The following COX5A variants were observed in gnomAD, a reference collection of about 807,000 sequenced individuals.
The protein encoded by COX5A is cytochrome c oxidase subunit 5A, also known as cytochrome c oxidase subunit 5A, mitochondrial.
In COX5A, 6 loss-of-function variants were observed where a neutral mutation model predicts 16.1. That is an observed-to-expected ratio of 0.37 (90% CI 0.20 to 0.73). The LOEUF (loss-of-function observed/expected upper bound fraction) is 0.73. Among genes scored for constraint, COX5A ranks in the 30% least tolerant of loss-of-function variants. The probability of loss-of-function intolerance (pLI) is 0.50; values close to 1 mark genes in which losing one functional copy is unlikely to be tolerated. For synonymous variants in COX5A, 73 were observed against 73.8 expected (o/e 0.99, Z 0.06); for missense variants, 159 against 194.9 (o/e 0.82, Z 1.10).
rs56979177 is a variant in COX5A, at chr15:74,921,407, C to CAAAA, written c.*10-969_*10-966dup. 8.2e-3 allele frequency among the ~76,000 whole-genome samples: 651 copies of CAAAA among 79,272 alleles called. 19 individuals carry two copies. The highest frequency in any genetic ancestry group is 0.012 in the Non-Finnish European group (514 of 42,714). 52.0% of individuals were successfully genotyped at this position (79,272 alleles called of 152,430 possible). On this transcript the variant is annotated intron_variant, in intron 4 of 4. Transcript: ENST00000322347. ...TGGGTGACAGAGCCAGACTCCGTCT[C>CAAAA]AAAAAAAAAAAAAAAAAAAGAAAAA...
intron 1 of COX5A, among the ~76,000 whole-genome samples, chr15:74,935,999 A>C (rs1396393566): frequency 6.6e-6 from 1 of 151,844 alleles, no homozygotes; most frequent in Non-Finnish European, 1.5e-5. Flanking sequence ...ATTAAAAAGG[A>C]GTCAGTTTCG....
chr15:74,931,095 C>G (rs1595862736), intron 1 of COX5A, among the ~76,000 whole-genome samples: 1 of 143,228 alleles, frequency 7.0e-6, no homozygotes, highest in South Asian at 2.4e-4. Flanking sequence ...TGACAAATTA[C>G]ACATACAAAT....
intron 2 of COX5A, among the ~76,000 whole-genome samples, chr15:74,927,619 A>C (rs1341144471): frequency 6.6e-6 from 1 of 152,088 alleles, no homozygotes; most frequent in Non-Finnish European, 1.5e-5. Flanking sequence ...TTAAAGATAC[A>C]AAATTGGCCG....
chr15:74,925,588 A>G (rs1449824586), intron 3 of COX5A, among the ~76,000 whole-genome samples: 1 of 151,784 alleles, frequency 6.6e-6, no homozygotes, highest in African/African-American at 2.4e-5. Context: ...GGGTTTCTCC[A>G]TCTTGGTCAG....
chr15:74,934,786 A>C (rs1391418695), intron 1 of COX5A, among the ~76,000 whole-genome samples: 1 of 152,076 alleles, frequency 6.6e-6, no homozygotes, highest in Non-Finnish European at 1.5e-5. Context: ...CAGGATCTCC[A>C]CCTAGTATTG....
chr15:74,926,320 G>A (rs1431168064), intron 3 of COX5A, among the ~76,000 whole-genome samples: 5 of 151,502 alleles, frequency 3.3e-5, no homozygotes, highest in Non-Finnish European at 5.9e-5. Flanking sequence ...GATTACAGGC[G>A]TGAGCCACCG....
intron 2 of COX5A, among the ~76,000 whole-genome samples, chr15:74,928,477 C>T (rs1460431109): frequency 4.6e-5 from 7 of 152,078 alleles, no homozygotes; most frequent in Middle Eastern, 3.4e-3. Context: ...CTCTGCCTCC[C>T]GGGTTCACGC....
At chr15:74,923,541 TA>T (rs1209280923) in intron 4 of COX5A, 106 bp downstream of exon 4, 2 of 564,518 alleles carry the variant, frequency 3.5e-6, no homozygotes, top group Non-Finnish European at 6.4e-6. Flanking sequence ...TCACGGCCAT[TA>T]CCTCTAACAA....
chr15:74,936,901 T>C (rs1447786810), intron 1 of COX5A, among the ~76,000 whole-genome samples: 2 of 152,154 alleles, frequency 1.3e-5, no homozygotes, highest in Non-Finnish European at 2.9e-5. Flanking sequence ...AGTGCTGGGA[T>C]TACAGGCATG....
intron 1 of COX5A, among the ~76,000 whole-genome samples, chr15:74,932,127 G>A (rs1458745395): frequency 6.6e-6 from 1 of 152,160 alleles, no homozygotes; most frequent in Non-Finnish European, 1.5e-5. Context: ...GTGAAAACAG[G>A]TAGGTTAACA....
chr15:74,935,387 T>C (rs1285060954), intron 1 of COX5A, among the ~76,000 whole-genome samples: 2 of 151,926 alleles, frequency 1.3e-5, no homozygotes, highest in South Asian at 2.1e-4. Context: ...TCCCAGCACT[T>C]TGGAAGGTGG....
intron 1 of COX5A, chr15:74,937,641 G>C (rs934545518): frequency 7.1e-6 from 2 of 281,428 alleles, no homozygotes; most frequent in African/African-American, 2.2e-5. Context: ...AACCGAAGGG[G>C]AGCGCTGCGT....
intron 1 of COX5A, among the ~76,000 whole-genome samples, chr15:74,931,559 T>C (rs2141273670): frequency 6.6e-6 from 1 of 151,576 alleles, no homozygotes; most frequent in African/African-American, 2.4e-5. Context: ...TTCCATTTTT[T>C]TTTTTTTTTT....
At position 74,926,006 on chromosome 15, in the gene COX5A, C is replaced by T. The variant is rs1370218994; in HGVS notation, c.339+760G>A. Among the ~76,000 whole-genome samples, 3 of 149,392 alleles carry T rather than the reference C, an allele frequency of 2.0e-5. No homozygotes were observed. In the East Asian group the frequency reaches 5.9e-4, roughly 29 times the overall value. The stretch of plus-strand genomic sequence containing the variant: ...TGGGCCTCCCAAGTAGCTGGGATTA[C>T]AGGCATGTGCCACCATGCCCAGCTA... On this transcript the variant is annotated intron_variant, in intron 3 of 4. Transcript: ENST00000322347.
intron 3 of COX5A, among the ~76,000 whole-genome samples, chr15:74,925,002 T>A (rs1424090631): frequency 6.6e-6 from 1 of 152,074 alleles, no homozygotes; most frequent in Non-Finnish European, 1.5e-5. Flanking sequence ...CAAGGTTCCT[T>A]AGGAACGAAT....
At chr15:74,930,717 T>TAA (rs1264550838) in intron 1 of COX5A, among the ~76,000 whole-genome samples, 2 of 129,112 alleles carry the variant, frequency 1.5e-5, no homozygotes, top group African/African-American at 2.8e-5. Flanking sequence ...ATTCACACAT[T>TAA]AAAAAAAAAA....
chr15:74,933,821 G>A (rs2065377493), intron 1 of COX5A, among the ~76,000 whole-genome samples: 3 of 152,092 alleles, frequency 2.0e-5, no homozygotes, highest in Admixed American at 6.6e-5. Context: ...TAAGCAATTC[G>A]TTTTGTTCAC....
chr15:74,931,016 CAAAAAAAAAA>C (rs61417867), intron 1 of COX5A, among the ~76,000 whole-genome samples: 189 of 23,726 alleles, frequency 8.0e-3, no homozygotes, highest in Non-Finnish European at 0.014. Context: ...GACTCTGTCT[CAAAAAAAAAA>C]AAAAAAAAAA....
Position 74,920,421 on chromosome 15 carries a change from A to G in COX5A, c.*31T>C, listed in dbSNP as rs1017900012. On this transcript the variant is annotated 3_prime_UTR_variant, in exon 5 of 5. Transcript: ENST00000322347. ...TGTTCACACTCAAGTAGCAATGTCA[A>G]TAAATCCTTGGGGAAGCCCATCTGT... The G allele has an allele frequency of 1.1e-5, 8 of 696,574 alleles. No individual in the cohort carries two copies. Among genetic ancestry groups the G allele is most frequent in the African/African-American group, 3.5e-5 (2 of 57,078 alleles). The allele number at this position is 696,574 out of a possible 1,614,324, so 43.1% of individuals were successfully genotyped here.
Sources: allele counts gnomAD v4.1 joint callset (sites outside exome capture counted in the v4.1 genomes callset), GRCh38; gene constraint gnomAD v4.1.1; transcripts MANE v1.5; gene names NCBI Gene and HGNC (gene_info 2026-07-23, HGNC 2026-07-21).